Variants in ARHGEF18 observed in about 807,000 individuals in gnomAD.
ARHGEF18 encodes rho guanine nucleotide exchange factor 18.
A neutral mutation model predicts 155.7 loss-of-function variants in ARHGEF18; 93 were observed. That is an observed-to-expected ratio of 0.60 (90% CI 0.50 to 0.71). The LOEUF is 0.71. Ranked by LOEUF, ARHGEF18 falls within the 30% of genes least tolerant of loss-of-function variation. The pLI, the probability that ARHGEF18 is intolerant of heterozygous loss-of-function variation, is 0.00. For missense variants in ARHGEF18, 1,593 were observed against 1,816.1 expected (o/e 0.88, Z 2.23); for synonymous variants, 742 against 753.1 (o/e 0.99, Z 0.24).
chr19:7,459,500 G>A (rs991622181), intron 19 of ARHGEF18, among the ~76,000 whole-genome samples: 2 of 152,194 alleles, frequency 1.3e-5, no homozygotes, highest in African/African-American at 4.8e-5. Flanking sequence ...GATTACAGGC[G>A]TGAGCCACCA....
At chr19:7,409,503 C>T (rs1253406376) in intron 10 of ARHGEF18, among the ~76,000 whole-genome samples, 1 of 150,216 alleles carries the variant, frequency 6.7e-6, no homozygotes, top group Non-Finnish European at 1.5e-5. Flanking sequence ...TCTCGGCTCA[C>T]TGTAACCTCC....
chr19:7,448,049 C>G (rs1180563654), intron 15 of ARHGEF18, among the ~76,000 whole-genome samples: 1 of 152,222 alleles, frequency 6.6e-6, no homozygotes. Context: ...CCTTACCAGG[C>G]CACGGTGGCC....
At chr19:7,477,242 G>T (rs376621423), downstream of ARHGEF18, 1 of 1,558,832 alleles carries the variant, frequency 6.4e-7, no homozygotes. Flanking sequence ...GGCCCGGGCC[G>T]CCTGGTACAT....
At chr19:7,374,780 A>G (rs1017251674) in intron 3 of ARHGEF18, among the ~76,000 whole-genome samples, 5 of 152,288 alleles carry the variant, frequency 3.3e-5, no homozygotes, top group Admixed American at 6.5e-5. Context: ...ATCAGCACCC[A>G]TCAGACCCAC....
chr19:7,419,202 G>C (rs1233525208), intron 10 of ARHGEF18, among the ~76,000 whole-genome samples: 117 of 127,434 alleles, frequency 9.2e-4, no homozygotes, highest in Non-Finnish European at 1.6e-3. Flanking sequence ...CTCGGCCTCT[G>C]TACCCCGATG....
intron 1 of ARHGEF18, among the ~76,000 whole-genome samples, chr19:7,355,307 C>T (rs528952109): frequency 6.6e-5 from 10 of 152,054 alleles, no homozygotes; most frequent in Admixed American, 1.3e-4. Flanking sequence ...ACTCAGACAT[C>T]CATGCACACC....
intron 1 of ARHGEF18, among the ~76,000 whole-genome samples, chr19:7,358,737 C>T (rs1376427071): frequency 2.0e-5 from 3 of 152,188 alleles, no homozygotes; most frequent in African/African-American, 7.2e-5. Flanking sequence ...TTGGTATGGC[C>T]TTGGTAAAGT....
chr19:7,375,303 AAAAGAAAGAAAAAG>A (rs1352135517), intron 3 of ARHGEF18, among the ~76,000 whole-genome samples: 1 of 146,294 alleles, frequency 6.8e-6, no homozygotes, highest in Non-Finnish European at 1.5e-5. Context: ...AGAAAGAAAG[AAAAGAAAGAAAAAG>A]AAAGAAAGAA....
intron 26 of ARHGEF18, among the ~76,000 whole-genome samples, chr19:7,468,016 A>G (rs1036042102): frequency 1.3e-5 from 2 of 152,142 alleles, no homozygotes; most frequent in African/African-American, 4.8e-5. Context: ...CCTGGGTAAC[A>G]TGGCGAAACT....
chr19:7,453,784 TG>T, intron 17 of ARHGEF18, 69 bp downstream of exon 17: 1 of 1,482,636 alleles, frequency 6.7e-7, no homozygotes, highest in South Asian at 1.5e-5. Flanking sequence ...CTTGGAGTGG[TG>T]GGCACTGTCT....
chr19:7,415,912 A>G (rs535850006), intron 10 of ARHGEF18, among the ~76,000 whole-genome samples: 2 of 152,312 alleles, frequency 1.3e-5, no homozygotes, highest in East Asian at 3.9e-4. Flanking sequence ...TAACCGCAAC[A>G]TGAATCCATT....
downstream of ARHGEF18, among the ~76,000 whole-genome samples, chr19:7,475,686 G>A (rs1335840126): frequency 6.6e-6 from 1 of 152,170 alleles, no homozygotes; most frequent in South Asian, 2.1e-4. Context: ...CTGTATCCCT[G>A]AAGGTGGCTT....
chr19:7,433,304 T>C (rs1007684214), intron 10 of ARHGEF18, among the ~76,000 whole-genome samples: 1 of 151,006 alleles, frequency 6.6e-6, no homozygotes, highest in Non-Finnish European at 1.5e-5. Context: ...CCGTCTCTAC[T>C]AAAAATACAA....
chr19:7,465,133 T>C (rs962900258), intron 23 of ARHGEF18, among the ~76,000 whole-genome samples: 9 of 152,242 alleles, frequency 5.9e-5, no homozygotes, highest in Admixed American at 1.3e-4. Context: ...TGATCAGTTC[T>C]GAGGCTTGGA....
chr19:7,362,935 A>G (rs905493508), intron 2 of ARHGEF18, 30 bp downstream of exon 2: 2 of 1,234,346 alleles, frequency 1.6e-6, no homozygotes, highest in Non-Finnish European at 2.0e-6. Flanking sequence ...AACGGGCAGG[A>G]GCTGATGACG....
intron 15 of ARHGEF18, among the ~76,000 whole-genome samples, chr19:7,450,433 T>G (rs760588969): frequency 2.5e-3 from 4 of 1,594 alleles, no homozygotes; most frequent in East Asian, 0.029. Flanking sequence ...GGATCTTGCT[T>G]TCCGTTTCCG....
intron 10 of ARHGEF18, among the ~76,000 whole-genome samples, chr19:7,424,848 G>T (rs918476385): frequency 6.6e-6 from 1 of 152,030 alleles, no homozygotes; most frequent in Non-Finnish European, 1.5e-5. Context: ...ACAAAAATTT[G>T]CCAGGCATGG....
intron 10 of ARHGEF18, among the ~76,000 whole-genome samples, chr19:7,432,311 G>C (rs567477069): frequency 1.3e-5 from 2 of 152,230 alleles, no homozygotes; most frequent in African/African-American, 4.8e-5. Context: ...GAACTCTCTA[G>C]AGCCAGGTTG....
chr19:7,389,717 T>C (rs1195666366), intron 10 of ARHGEF18, among the ~76,000 whole-genome samples: 1 of 151,918 alleles, frequency 6.6e-6, no homozygotes, highest in Non-Finnish European at 1.5e-5. Flanking sequence ...GTATTTTTAG[T>C]AGAGACAGGG....
Sources: allele counts gnomAD v4.1 joint callset (sites outside exome capture counted in the v4.1 genomes callset), GRCh38; gene constraint gnomAD v4.1.1; transcripts MANE v1.5; gene names NCBI Gene and HGNC (gene_info 2026-07-23, HGNC 2026-07-21).